Variants in KIAA1217 observed in about 807,000 individuals in gnomAD.
KIAA1217 encodes the protein sickle tail protein homolog.
KIAA1217 carries 88 observed loss-of-function variants against 163.9 expected under a neutral mutation model. The observed-to-expected ratio is 0.54, with a 90% CI of 0.45 to 0.64. The LOEUF is 0.64. KIAA1217 is among the 30% of genes least tolerant of loss of function. KIAA1217 has a pLI of 0.00. For missense variants in KIAA1217, 2,372 were observed against 2,475.0 expected (o/e 0.96, Z 0.88); for synonymous variants, 903 against 923.1 (o/e 0.98, Z 0.39).
At chr10:23,799,897 T>A (rs1377963341) in intron 1 of KIAA1217, among the ~76,000 whole-genome samples, 1 of 152,226 alleles carries the variant, frequency 6.6e-6, no homozygotes, top group Non-Finnish European at 1.5e-5. Flanking sequence ...TCTATTGGAC[T>A]AAGAATTGAA....
chr10:24,158,621 C>T (rs2064984458), intron 2 of KIAA1217: 1 of 508,966 alleles, frequency 2.0e-6, no homozygotes, highest in South Asian at 1.5e-5. Flanking sequence ...TTCGCCTTTA[C>T]ACCACCAATC....
upstream of KIAA1217, among the ~76,000 whole-genome samples, chr10:24,207,282 T>TCTCTCACACACACACACACACA (rs529791287): frequency 1.4e-5 from 2 of 140,236 alleles, no homozygotes; most frequent in African/African-American, 5.7e-5. Flanking sequence ...TCTCTCTCTC[T>TCTCTCACACACACACACACACA]CACACACACA....
In KIAA1217 at chr10:24,524,739, C is replaced by A; in HGVS notation, c.2873C>A (p.Ala958Asp). ...LFIEEIHSVSAKNRAVSIEKA... is the reference protein window; with the variant it reads ...LFIEEIHSVSDKNRAVSIEKA... ...ATTGAAGAAATCCACAGTGTGAGTG[C>A]CAAGAACAGGGCAGTGTCTATCGAG... The change falls in exon 13 of 21, where the codon GCC (alanine) becomes GAC (aspartate). Residue 958 changes from alanine (A) to aspartate (D), a missense_variant. Coordinates refer to ENST00000376454, the MANE Select transcript of KIAA1217 (RefSeq NM_019590.5). 6.2e-7 allele frequency: 1 copy of A among 1,604,390 alleles called. No homozygotes were observed. The highest frequency in any genetic ancestry group is 8.5e-7 in the Non-Finnish European group (1 of 1,172,954).
intron 1 of KIAA1217, among the ~76,000 whole-genome samples, chr10:23,824,658 A>AAAAAATATATATAT (rs1837805755): frequency 1.9e-5 from 1 of 53,040 alleles, no homozygotes. Context: ...AAATAAAAAA[A>AAAAAATATATATAT]ATATATATAT....
intron 2 of KIAA1217, among the ~76,000 whole-genome samples, chr10:24,085,063 G>A (rs1169079593): frequency 5.3e-5 from 8 of 151,952 alleles, no homozygotes; most frequent in Non-Finnish European, 2.9e-5. Context: ...ACAGGCGCCC[G>A]CCACCACGCT....
intron 2 of KIAA1217, among the ~76,000 whole-genome samples, chr10:24,061,673 G>C (rs1054489948): frequency 3.3e-5 from 5 of 152,124 alleles, no homozygotes; most frequent in Admixed American, 1.3e-4. Context: ...TTAGTTGGCA[G>C]CATTTTTTCT....
At chr10:24,178,357 C>A (rs574779780) in intron 2 of KIAA1217, among the ~76,000 whole-genome samples, 1 of 152,296 alleles carries the variant, frequency 6.6e-6, no homozygotes, top group East Asian at 1.9e-4. Context: ...GAATCCTATC[C>A]CCATTTCATG....
intron 9 of KIAA1217, among the ~76,000 whole-genome samples, chr10:24,502,359 G>C (rs371161342): frequency 6.7e-6 from 1 of 149,096 alleles, no homozygotes; most frequent in East Asian, 2.0e-4. Context: ...GATTTGTTAC[G>C]AAAAACATCT....
At chr10:24,215,591 G>T (rs941510729) in intron 1 of KIAA1217, among the ~76,000 whole-genome samples, 2 of 152,198 alleles carry the variant, frequency 1.3e-5, no homozygotes, top group Non-Finnish European at 2.9e-5. Flanking sequence ...TCCTCTGCCT[G>T]ATCCCTCTCT....
intron 2 of KIAA1217, among the ~76,000 whole-genome samples, chr10:24,124,156 A>G (rs1019725092): frequency 1.3e-5 from 2 of 152,126 alleles, no homozygotes; most frequent in African/African-American, 4.8e-5. Flanking sequence ...TTCTTTTTCT[A>G]TGCTTTCTTT....
intron 1 of KIAA1217, among the ~76,000 whole-genome samples, chr10:23,942,877 G>A (rs1432896908): frequency 6.6e-6 from 1 of 151,592 alleles, no homozygotes; most frequent in Non-Finnish European, 1.5e-5. Context: ...CAAGGCCAAG[G>A]TGAGAGCATC....
chr10:23,904,201 A>G (rs1276710401), intron 1 of KIAA1217, among the ~76,000 whole-genome samples: 1 of 152,160 alleles, frequency 6.6e-6, no homozygotes, highest in East Asian at 1.9e-4. Context: ...GAAAGAAAGT[A>G]TTGCATATGC....
In KIAA1217 at chr10:24,528,219, C is replaced by G. The variant is rs186087767; in HGVS notation, c.3082+100C>G. 1.8e-5 allele frequency: 16 copies of G among 905,906 alleles called. No individual in the cohort carries two copies. The South Asian group carries it at 2.0e-4, about 11-fold the overall frequency. The allele number at this position is 905,906 out of a possible 1,614,324, so 56.1% of individuals were successfully genotyped here. A position where few individuals can be genotyped will look rare whatever the true frequency, so the allele number is the denominator to read the frequency against. ...ACATACTCATCAACAGAACCAATGT[C>G]TCAGTTCTTACAAATCTTACAAAAT... On this transcript the variant is annotated intron_variant, in intron 14 of 20. Coordinates refer to ENST00000376454, the MANE Select transcript of KIAA1217 (RefSeq NM_019590.5).
chr10:24,508,830 C>T (rs537658477), intron 9 of KIAA1217, among the ~76,000 whole-genome samples: 5 of 152,274 alleles, frequency 3.3e-5, no homozygotes, highest in East Asian at 1.9e-4. Context: ...ATTTTTATAA[C>T]GTTCTAGAAC....
At chr10:24,041,141 A>G (rs1284483753) in intron 2 of KIAA1217, among the ~76,000 whole-genome samples, 1 of 152,218 alleles carries the variant, frequency 6.6e-6, no homozygotes, top group East Asian at 1.9e-4. Flanking sequence ...GAGTTATATG[A>G]CCACATCTTC....
At chr10:24,042,004 A>G (rs1339945246) in intron 2 of KIAA1217, 7 of 151,788 alleles carry the variant, frequency 4.6e-5, no homozygotes, top group African/African-American at 1.7e-4. Flanking sequence ...TTTGCTCTGA[A>G]TTGGAGCATT....
At chr10:24,243,331 TG>T (rs975689172) in intron 2 of KIAA1217, among the ~76,000 whole-genome samples, 4 of 152,160 alleles carry the variant, frequency 2.6e-5, no homozygotes, top group Admixed American at 6.6e-5. Flanking sequence ...CATTGCCTAC[TG>T]GTGGGGACTG....
At chr10:24,017,947 G>A (rs1325163815) in intron 2 of KIAA1217, among the ~76,000 whole-genome samples, 2 of 152,084 alleles carry the variant, frequency 1.3e-5, no homozygotes, top group East Asian at 3.9e-4. Flanking sequence ...TTTAGGGAGA[G>A]CACAAAAAAG....
At chr10:24,024,235 A>G (rs1469572182) in intron 2 of KIAA1217, among the ~76,000 whole-genome samples, 2 of 151,702 alleles carry the variant, frequency 1.3e-5, no homozygotes. Context: ...AACCACCAGC[A>G]TAATGATGAT....
Sources: allele counts gnomAD v4.1 joint callset (sites outside exome capture counted in the v4.1 genomes callset), GRCh38; gene constraint gnomAD v4.1.1; transcripts MANE v1.5; gene names NCBI Gene and HGNC (gene_info 2026-07-23, HGNC 2026-07-21).